The following MAGI3 variants were observed in gnomAD, a reference collection of about 807,000 sequenced individuals.
MAGI3 encodes the protein membrane associated guanylate kinase, WW and PDZ domain containing 3.
MAGI3 carries 43 observed loss-of-function variants against 121.8 expected under a neutral mutation model. The observed-to-expected ratio is 0.35, with a 90% confidence interval of 0.28 to 0.46. MAGI3 has a LOEUF of 0.46. Ranked by LOEUF, MAGI3 falls within the 20% of genes least tolerant of loss-of-function variation. MAGI3 has a pLI of 1.00. For missense variants in MAGI3, 1,547 were observed against 1,797.3 expected (o/e 0.86, Z 2.52); for synonymous variants, 553 against 639.3 (o/e 0.86, Z 2.04).
At chr1:113,478,007 A>C (rs1655924242) in intron 1 of MAGI3, among the ~76,000 whole-genome samples, 1 of 151,890 alleles carries the variant, frequency 6.6e-6, no homozygotes, top group Admixed American at 6.6e-5. Flanking sequence ...CCTTTATTCC[A>C]CTTGATTGAA....
chr1:113,450,669 G>T, intron 1 of MAGI3: 1 of 1,029,986 alleles, frequency 9.7e-7, no homozygotes, highest in Non-Finnish European at 1.5e-6. Flanking sequence ...AGCTCGGGCA[G>T]TCCCTATGGT....
rs759189272 is a variant in MAGI3 at position 113,651,063 on chromosome 1, G to A, written c.2297G>A (p.Arg766Gln). ...CTGGGAGCAGCTGAGAAAGATGGTC[G>A]GCTCCGCGCAGCTGATGAACTAATG... ...IPLGAAEKDG[R>Q]LRAADELMCI... Residue 766 changes from arginine to glutamine, a missense_variant, in exon 14 of 21, where the codon CGG (arginine) becomes CAG (glutamine). Coordinates refer to ENST00000307546, the MANE Select transcript of MAGI3 (RefSeq NM_001142782.2). 9.9e-6 allele frequency: 16 copies of A among 1,613,928 alleles called. No individual in the cohort carries two copies. Among genetic ancestry groups the A allele is most frequent in the Middle Eastern group, 1.6e-4 (1 of 6,084 alleles).
chr1:113,438,169 T>C (rs1286729918), intron 1 of MAGI3, among the ~76,000 whole-genome samples: 2 of 151,954 alleles, frequency 1.3e-5, no homozygotes, highest in African/African-American at 2.4e-5. Flanking sequence ...CAGGCTGGCC[T>C]CCAATTTATG....
intron 6 of MAGI3, among the ~76,000 whole-genome samples, chr1:113,599,659 C>G (rs1425121660): frequency 6.6e-6 from 1 of 151,300 alleles, no homozygotes; most frequent in Non-Finnish European, 1.5e-5. Flanking sequence ...GGAACTGGTA[C>G]CATTCCTTCT....
intron 1 of MAGI3, among the ~76,000 whole-genome samples, chr1:113,406,706 A>T (rs12021783): frequency 4.6e-5 from 7 of 151,944 alleles, no homozygotes; most frequent in Non-Finnish European, 1.0e-4. Context: ...CCTGAGTTCA[A>T]GACCAGCCTG....
chr1:113,680,040 A>G (rs1167586303), intron 19 of MAGI3, among the ~76,000 whole-genome samples: 1 of 152,196 alleles, frequency 6.6e-6, no homozygotes, highest in Non-Finnish European at 1.5e-5. Flanking sequence ...CACTAAGTTT[A>G]TGCCAGTTAC....
chr1:113,672,773 T>A (rs1314824834), intron 18 of MAGI3, 32 bp downstream of exon 18: 1 of 1,585,674 alleles, frequency 6.3e-7, no homozygotes, highest in African/African-American at 1.4e-5. Flanking sequence ...TGGGGAGTGA[T>A]ATTTTGAGTT....
chr1:113,495,437 C>G (rs1383271735), intron 1 of MAGI3, among the ~76,000 whole-genome samples: 1 of 147,628 alleles, frequency 6.8e-6, no homozygotes, highest in Non-Finnish European at 1.5e-5. Context: ...GTGGTGATTT[C>G]TGAGAATTTG....
At chr1:113,476,624 G>A (rs549210764) in intron 1 of MAGI3, among the ~76,000 whole-genome samples, 8 of 152,278 alleles carry the variant, frequency 5.3e-5, no homozygotes, top group African/African-American at 1.9e-4. Context: ...CATTTGCTGA[G>A]GAGAGCTTTA....
intron 12 of MAGI3, among the ~76,000 whole-genome samples, chr1:113,647,318 A>G (rs1652906986): frequency 6.6e-6 from 1 of 152,216 alleles, no homozygotes; most frequent in African/African-American, 2.4e-5. Flanking sequence ...AGTTGGTCAT[A>G]TAAATAACAG....
At position 113,577,852 on chromosome 1, in the gene MAGI3, C is replaced by T. The variant is rs1177272155; in HGVS notation, c.434-2690C>T. On this transcript the variant is annotated intron_variant, in intron 2 of 20. Transcript: ENST00000307546. Reference sequence around the variant, plus strand: ...CAAAACAGAGTTCCTCCTGCCCTTTCGATCAGTGCTGTTTTTATAGTATTA... The same window carrying T: ...CAAAACAGAGTTCCTCCTGCCCTTTTGATCAGTGCTGTTTTTATAGTATTA... Among the ~76,000 whole-genome samples the T allele has an allele frequency of 5.9e-5, 9 of 152,092 alleles. No individual in the cohort carries two copies. The South Asian group carries it at 1.7e-3, about 28-fold the overall frequency.
intron 6 of MAGI3, 32 bp from the exon 7 acceptor site, chr1:113,614,569 C>T (rs1650343538): frequency 1.3e-6 from 2 of 1,516,274 alleles, no homozygotes; most frequent in Admixed American, 1.7e-5. Flanking sequence ...AGTTTTGAAT[C>T]TGGCATTTCA....
intron 1 of MAGI3, among the ~76,000 whole-genome samples, chr1:113,516,006 C>T (rs1327789382): frequency 6.6e-6 from 1 of 152,016 alleles, no homozygotes; most frequent in East Asian, 1.9e-4. Flanking sequence ...TCTCTGGCTA[C>T]ACTCACTAGA....
chr1:113,450,441 A>C, intron 1 of MAGI3: 1 of 1,123,284 alleles, frequency 8.9e-7, no homozygotes, highest in South Asian at 1.2e-5. Flanking sequence ...GGTCCTGGTT[A>C]TAGTAGTAGA....
At chr1:113,484,887 G>T (rs1434798002) in intron 1 of MAGI3, among the ~76,000 whole-genome samples, 2 of 151,214 alleles carry the variant, frequency 1.3e-5, no homozygotes, top group East Asian at 3.9e-4. Context: ...ACCACGCCCA[G>T]CTAATTTTTT....
intron 12 of MAGI3, among the ~76,000 whole-genome samples, chr1:113,647,123 G>T (rs1293992222): frequency 1.3e-5 from 2 of 152,164 alleles, no homozygotes; most frequent in East Asian, 3.9e-4. Context: ...AGTCATCAGG[G>T]ATGAAAAAGT....
At chr1:113,485,607 G>A (rs1656345860) in intron 1 of MAGI3, among the ~76,000 whole-genome samples, 1 of 152,154 alleles carries the variant, frequency 6.6e-6, no homozygotes, top group African/African-American at 2.4e-5. Context: ...CTCTCACTCT[G>A]TGGGTTGTCA....
chr1:113,456,201 G>A (rs1309033206), intron 1 of MAGI3, among the ~76,000 whole-genome samples: 8 of 143,782 alleles, frequency 5.6e-5, no homozygotes, highest in African/African-American at 1.6e-4. Context: ...TCCTGACCTC[G>A]TGATCCGCCC....
chr1:113,491,545 T>C (rs1247049356), intron 1 of MAGI3, among the ~76,000 whole-genome samples: 1 of 151,980 alleles, frequency 6.6e-6, no homozygotes, highest in East Asian at 1.9e-4. Context: ...CTGAAGGATA[T>C]GGAGACATGA....
Sources: gnomAD v4.1 joint callset for allele counts (sites outside exome capture counted in the v4.1 genomes callset) on GRCh38, gnomAD v4.1.1 for gene constraint, MANE v1.5 for transcripts, NCBI Gene and HGNC (gene_info 2026-07-23, HGNC 2026-07-21) for gene names.